LPP: variants seen among roughly 807,000 people sequenced by gnomAD.
The protein encoded by LPP is LIM domain containing preferred translocation partner in lipoma.
In LPP, 38 loss-of-function variants were observed where a neutral mutation model predicts 60.4. That is an observed-to-expected ratio of 0.63 (90% CI 0.49 to 0.83). The LOEUF (loss-of-function observed/expected upper bound fraction) is 0.83, where lower values mean the gene tolerates loss of function less well. Among genes scored for constraint, LPP ranks in the 40% least tolerant of loss-of-function variants. The pLI is 0.00. For synonymous variants in LPP, 328 were observed against 290.8 expected (o/e 1.13, Z -1.30); for missense variants, 902 against 783.6 (o/e 1.15, Z -1.80).
chr3:188,530,605 G>A (rs1009140894), intron 6 of LPP, among the ~76,000 whole-genome samples: 3 of 152,180 alleles, frequency 2.0e-5, no homozygotes, highest in Non-Finnish European at 2.9e-5. Context: ...GTGATTCTTT[G>A]TATTTTCCCC....
At chr3:188,742,079 GAAAC>G (rs1724633101) in intron 8 of LPP, among the ~76,000 whole-genome samples, 1 of 151,986 alleles carries the variant, frequency 6.6e-6, no homozygotes, top group Non-Finnish European at 1.5e-5. Flanking sequence ...AGTCATTAAA[GAAAC>G]AAAATAAAAC....
chr3:188,855,456 G>A (rs1763618460), intron 9 of LPP, among the ~76,000 whole-genome samples: 1 of 152,196 alleles, frequency 6.6e-6, no homozygotes, highest in Non-Finnish European at 1.5e-5. Flanking sequence ...GAAAGCAACA[G>A]GATAAAGAGA....
At chr3:188,719,210 A>G (rs1456454236) in intron 8 of LPP, among the ~76,000 whole-genome samples, 1 of 152,200 alleles carries the variant, frequency 6.6e-6, no homozygotes, top group African/African-American at 2.4e-5. Flanking sequence ...TGTAGGTTTC[A>G]TCTATAGTCT....
intron 9 of LPP, among the ~76,000 whole-genome samples, chr3:188,821,714 A>T (rs1754021518): frequency 1.3e-5 from 2 of 152,036 alleles, no homozygotes; most frequent in Admixed American, 1.3e-4. Context: ...TATTTGTTTT[A>T]TTCCAAATCT....
At chr3:188,295,381 C>T (rs984957400) in intron 2 of LPP, among the ~76,000 whole-genome samples, 2 of 152,130 alleles carry the variant, frequency 1.3e-5, no homozygotes, top group East Asian at 3.9e-4. Flanking sequence ...CCTCAGGGCT[C>T]GCTATTCATC....
intron 9 of LPP, among the ~76,000 whole-genome samples, chr3:188,846,088 A>T (rs1029106376): frequency 1.3e-5 from 2 of 152,228 alleles, no homozygotes; most frequent in African/African-American, 4.8e-5. Context: ...TTGTGCAGAC[A>T]CTGTGCTAGT....
chr3:188,882,443 A>G lies in LPP; in HGVS notation c.*7964A>G. The G allele has an allele frequency of 4.4e-6, 1 of 227,054 alleles. No homozygotes were observed. The highest frequency in any genetic ancestry group is 6.4e-5 in the East Asian group (1 of 15,744). The allele number at this position is 227,054 out of a possible 1,614,324, so 14.1% of individuals were successfully genotyped here. A position where few individuals can be genotyped will look rare whatever the true frequency, so the allele number is the denominator to read the frequency against. On this transcript the variant is annotated 3_prime_UTR_variant, in exon 12 of 12. Transcript: ENST00000617246. ...GAGGAAGTATTTACTTGCTTTTCCC[A>G]TCTCTTTATAATTGGAAGAGAAGAT...
In LPP at chr3:188,217,407, GGTAA is replaced by G. The variant is rs752232945; in HGVS notation, c.-189-7995_-189-7992del. 4.9e-4 allele frequency among the ~76,000 whole-genome samples: 75 copies of G among 152,244 alleles called. No homozygotes were observed. Among genetic ancestry groups the G allele is most frequent in the Admixed American group, 2.2e-3 (34 of 15,286 alleles). On this transcript the variant is annotated intron_variant, in intron 1 of 11. Transcript: ENST00000617246. The surrounding 1 kb of genome is among the most constrained non-coding windows in gnomAD (Gnocchi z 4.0). ...AAAAGAATAGGGTCTAGCAGGTGGT[GGTAA>G]GTGAGAGACCTGAGCTTCTTAGACC...
At position 188,441,609 on chromosome 3, in the gene LPP, C is replaced by CTTTCTTTTTTTTTTTTTTTTTTTTTTTTT. The variant is rs1793886236; in HGVS notation, c.193+35299_193+35300insCTTTTTTTTTTTTTTTTTTTTTTTTTTTT. ...ACAGTTTCTTTTTTTCTTTTCTTTT[C>CTTTCTTTTTTTTTTTTTTTTTTTTTTTTT]TTTTTTTTTTTTTTTTTTTTTTTTT... On this transcript the variant is annotated intron_variant, in intron 4 of 11. Coordinates refer to ENST00000617246, the MANE Select transcript of LPP (RefSeq NM_001375462.1). 1.6e-4 allele frequency among the ~76,000 whole-genome samples: 9 copies of CTTTCTTTTTTTTTTTTTTTTTTTTTTTTT among 55,672 alleles called. 1 individual carries two copies. The East Asian group carries it at 1.9e-3, about 12-fold the overall frequency. 36.5% of individuals were successfully genotyped at this position (55,672 alleles called of 152,430 possible). A position where few individuals can be genotyped will look rare whatever the true frequency, so the allele number is the denominator to read the frequency against.
chr3:188,389,812 AAAAAAAAGAAAAG>A (rs1301369429), intron 3 of LPP, among the ~76,000 whole-genome samples: 100 of 151,436 alleles, frequency 6.6e-4, no homozygotes, highest in African/African-American at 2.4e-3. Flanking sequence ...CCGTCTCAAA[AAAAAAAAGAAAAG>A]AAAAAAAGAA....
chr3:188,675,129 C>G (rs1857744669), intron 7 of LPP, among the ~76,000 whole-genome samples: 1 of 152,166 alleles, frequency 6.6e-6, no homozygotes, highest in East Asian at 1.9e-4. Context: ...AGGACCAGCC[C>G]TGCTGGAAGG....
chr3:188,575,371 C>T (rs1315602628), intron 6 of LPP, among the ~76,000 whole-genome samples: 2 of 152,100 alleles, frequency 1.3e-5, no homozygotes, highest in African/African-American at 4.8e-5. Context: ...TACGTTTAGT[C>T]TGGATTTAAA....
chr3:188,255,619 C>T (rs1400085143), intron 2 of LPP, among the ~76,000 whole-genome samples: 1 of 152,148 alleles, frequency 6.6e-6, no homozygotes, highest in Non-Finnish European at 1.5e-5. Context: ...GGATGTCTTC[C>T]TATAGTGTTT....
At chr3:188,318,962 T>G (rs952368984) in intron 2 of LPP, among the ~76,000 whole-genome samples, 27 of 151,450 alleles carry the variant, frequency 1.8e-4, no homozygotes, top group African/African-American at 3.9e-4. Flanking sequence ...GTTTCACCGT[T>G]TTAGCCGGGA....
intron 8 of LPP, chr3:188,711,244 T>C (rs1220617546): frequency 2.0e-5 from 3 of 152,228 alleles, no homozygotes; most frequent in Non-Finnish European, 4.4e-5. Flanking sequence ...CTAACTTTTA[T>C]TGAGTGCTTA....
At chr3:188,596,851 T>C (rs1370432789) in intron 6 of LPP, among the ~76,000 whole-genome samples, 2 of 152,192 alleles carry the variant, frequency 1.3e-5, no homozygotes, top group African/African-American at 4.8e-5. Context: ...GAAGCAAATA[T>C]AGCCACTTGC....
chr3:188,408,375 T>C (rs1784164184), intron 4 of LPP, among the ~76,000 whole-genome samples: 1 of 152,172 alleles, frequency 6.6e-6, no homozygotes, highest in African/African-American at 2.4e-5. Flanking sequence ...TTTAGACTCC[T>C]TTACTGTGAA....
At chr3:188,300,994 A>C (rs1185091846) in intron 2 of LPP, among the ~76,000 whole-genome samples, 7 of 152,088 alleles carry the variant, frequency 4.6e-5, no homozygotes. Flanking sequence ...CTTTGTCTCT[A>C]TGCATTTCTA....
chr3:188,370,031 C>T (rs1305143883), intron 3 of LPP, among the ~76,000 whole-genome samples: 4 of 152,152 alleles, frequency 2.6e-5, no homozygotes, highest in African/African-American at 4.8e-5. Flanking sequence ...CGGATTCAAG[C>T]AGTTCTCTGC....
Sources: gnomAD v4.1 joint callset for allele counts (sites outside exome capture counted in the v4.1 genomes callset) on GRCh38, gnomAD v4.1.1 for gene constraint, Gnocchi (gnomAD v3.1) non-coding constraint, MANE v1.5 for transcripts, NCBI Gene and HGNC (gene_info 2026-07-23, HGNC 2026-07-21) for gene names.